Variants in VPS16 observed in about 807,000 individuals in gnomAD.
The protein encoded by VPS16 is VPS16 core subunit of CORVET and HOPS complexes.
A neutral mutation model predicts 116.0 loss-of-function variants in VPS16; 82 were observed. The observed-to-expected ratio is 0.71, with a 90% CI of 0.59 to 0.85. The LOEUF is 0.85. VPS16 is among the 40% of genes least tolerant of loss of function. The pLI is 0.00. For synonymous variants in VPS16, 406 were observed against 420.7 expected (o/e 0.96, Z 0.43); for missense variants, 928 against 1,090.6 (o/e 0.85, Z 2.10).
rs2089231637 is a variant in VPS16 at position 2,861,828 on chromosome 20, A to G, written c.923A>G (p.Tyr308Cys). 1 of 1,613,934 alleles carries G rather than the reference A, an allele frequency of 6.2e-7. No homozygotes were observed. Among genetic ancestry groups the G allele is most frequent in the Non-Finnish European group, 8.5e-7 (1 of 1,179,970 alleles). ...AGGTTTGTGCTGGATGAGGACTCCT[A>G]CCTGGTGCCTGAGCTCGATGGGGTC... The part of the protein sequence containing the change: ...SIQFVLDEDS[Y>C]LVPELDGVRI... Residue 308 changes from tyrosine (Y) to cysteine (C), a missense_variant, in exon 10 of 24, where the codon TAC (tyrosine) becomes TGC (cysteine). Transcript: ENST00000380445.
In VPS16 at chr20:2,860,120, C is replaced by G. The variant is rs754743804; in HGVS notation, c.209C>G (p.Ser70Cys). The change falls in exon 3 of 24, where the codon TCT becomes TGT. Residue 70 changes from serine to cysteine, a missense_variant. Transcript: ENST00000380445. This position sits in a 1 kb window ranked among gnomAD's most constrained non-coding sequence, Gnocchi z 6.1. ...ASVRPVLDIY[S>C]ASGMPLASLL... ...GTGAGGCCAGTGCTCGATATATACT[C>G]TGCTTCCGGCATGCCTCTGGCCAGC... 6.2e-7 allele frequency: 1 copy of G among 1,614,098 alleles called. No homozygotes were observed. The highest frequency in any genetic ancestry group is 8.5e-7 in the Non-Finnish European group (1 of 1,180,034).
chr20:2,858,597 C>T (rs975358024), intron 1 of VPS16, among the ~76,000 whole-genome samples: 3 of 152,074 alleles, frequency 2.0e-5, no homozygotes, highest in South Asian at 2.1e-4. Flanking sequence ...GAAATGATAC[C>T]GGCTGAAATG....
rs117259301 is a variant in VPS16 at position 2,863,783 on chromosome 20, G to A, written c.1477-166G>A. Among the ~76,000 whole-genome samples, 2,340 of 150,834 alleles carry A rather than the reference G, an allele frequency of 0.016. 122 individuals are homozygous for A. The highest frequency in any genetic ancestry group is 0.09 in the Admixed American group (1,360 of 15,126). ...TCTCAAAAAAAAAGAAAGAAGTGGC[G>A]GGGGCGGAGGAGGAGGGAAAGAGAG... On this transcript the variant is annotated intron_variant, in intron 15 of 23. Transcript: ENST00000380445. This position sits in a 1 kb window ranked among gnomAD's most constrained non-coding sequence, Gnocchi z 4.4.
At chr20:2,841,003 C>T (rs1276608028) in intron 1 of VPS16, 176 bp downstream of exon 1, 1 of 615,918 alleles carries the variant, frequency 1.6e-6, no homozygotes, top group Non-Finnish European at 2.8e-6. Flanking sequence ...GCCGGGCCTT[C>T]CCCTGCTCCA....
At chr20:2,855,029 C>T (rs1187484803) in intron 1 of VPS16, among the ~76,000 whole-genome samples, 1 of 140,576 alleles carries the variant, frequency 7.1e-6, no homozygotes, top group Non-Finnish European at 1.5e-5. Context: ...GGTGCAATCT[C>T]GGCTCACCGC....
At position 2,865,034 on chromosome 20, in the gene VPS16, CAAG is replaced by C; in HGVS notation, c.1986_1988del (p.Lys662del). 1 of 1,614,142 alleles carries C rather than the reference CAAG, an allele frequency of 6.2e-7. No homozygotes were observed. The highest frequency in any genetic ancestry group is 8.5e-7 in the Non-Finnish European group (1 of 1,180,032). ...CAGCCGCCGATGCCTTCTACAAGGC[CAAG>C]AATGAGTTTGCAGCCAAGGTTTGGC... On this transcript the variant is annotated inframe_deletion, in exon 20 of 24. Transcript: ENST00000380445. The surrounding 1 kb of genome is among the most constrained non-coding windows in gnomAD (Gnocchi z 5.2).
intron 1 of VPS16, among the ~76,000 whole-genome samples, chr20:2,857,692 T>C (rs2089186974): frequency 6.6e-6 from 1 of 151,838 alleles, no homozygotes; most frequent in South Asian, 2.1e-4. Flanking sequence ...GCATTTTTAT[T>C]TTAATTTTAT....
chr20:2,862,496 G>GA, intron 11 of VPS16, 83 bp from the exon 12 acceptor site: 1 of 1,554,882 alleles, frequency 6.4e-7, no homozygotes, highest in South Asian at 1.2e-5. Flanking sequence ...CAGCTTATTT[G>GA]AACCACAACC....
Position 2,860,329 on chromosome 20 carries a change from C to T in VPS16, c.331C>T (p.Leu111Phe). 1 of 1,614,054 alleles carries T rather than the reference C, an allele frequency of 6.2e-7. No individual in the cohort carries two copies. Among genetic ancestry groups the T allele is most frequent in the Non-Finnish European group, 8.5e-7 (1 of 1,180,000 alleles). ...AGATGGTGCTGTACTGGTTTATGGG[C>T]TTCATGGTGACTTCCGGAGACACTT... ...QEDGAVLVYG[L>F]HGDFRRHFSM... The change falls in exon 4 of 24, where the codon CTT (leucine) becomes TTT (phenylalanine). Residue 111 changes from leucine to phenylalanine, a missense_variant. Leu to Phe is a conservative substitution (Grantham distance 22). Coordinates refer to ENST00000380445, the MANE Select transcript of VPS16 (RefSeq NM_022575.4). The surrounding 1 kb of genome is among the most constrained non-coding windows in gnomAD (Gnocchi z 6.1).
intron 1 of VPS16, among the ~76,000 whole-genome samples, chr20:2,854,736 C>T (rs1046206770): frequency 1.4e-5 from 2 of 147,114 alleles, no homozygotes; most frequent in East Asian, 2.1e-4. Flanking sequence ...GTGGAGGTTG[C>T]GTTGAGCTGA....
chr20:2,859,800 C>T lies in VPS16; in HGVS notation c.135C>T (p.Gly45=). ...DCLVAAAPYG[G]PIALLRNPWR... ...TGGTGGCTGCTGCACCCTATGGGGGCCCCATTGGTATGTTGCCCCTCCACC... is the reference window on the plus strand; with the variant it reads ...TGGTGGCTGCTGCACCCTATGGGGGTCCCATTGGTATGTTGCCCCTCCACC... The change falls in exon 2 of 24, where the codon GGC becomes GGT. Residue 45 remains glycine (G), a synonymous_variant. Coordinates refer to ENST00000380445, the MANE Select transcript of VPS16 (RefSeq NM_022575.4). 2 of 1,609,282 alleles carry T rather than the reference C, an allele frequency of 1.2e-6. No homozygotes were observed. Among genetic ancestry groups the T allele is most frequent in the South Asian group, 2.2e-5 (2 of 90,372 alleles).
At chr20:2,849,586 A>G (rs533892125) in intron 1 of VPS16, among the ~76,000 whole-genome samples, 3 of 151,300 alleles carry the variant, frequency 2.0e-5, no homozygotes, top group Admixed American at 6.6e-5. Context: ...GATGTGAGCT[A>G]CTGCACCCGG....
chr20:2,842,868 A>AGATAGATGTATCTATC (rs1568621087), intron 1 of VPS16, among the ~76,000 whole-genome samples: 43 of 25,910 alleles, frequency 1.7e-3, no homozygotes, highest in Non-Finnish European at 2.2e-3. Flanking sequence ...ATCTATCGAT[A>AGATAGATGTATCTATC]GATAGATAGA....
rs200069917 is a variant in VPS16, at chr20:2,863,139, G to C, written c.1367+39G>C. The C allele has an allele frequency of 1.4e-4, 233 of 1,613,474 alleles. 1 individual carries two copies. In the African/African-American group the frequency reaches 2.6e-3, roughly 18 times the overall value. ...AAGGGTGCAGTGAGCGGGCTGTCAG[G>C]GGGGTGGGCATTACAGCCTTGGGTG... On this transcript the variant is annotated intron_variant, in intron 14 of 23. Transcript: ENST00000380445. This position sits in a 1 kb window ranked among gnomAD's most constrained non-coding sequence, Gnocchi z 4.4.
In VPS16 at chr20:2,842,892, A is replaced by AGATAGATAGATGTATCTATC. The variant is rs1555795837; in HGVS notation, c.53+2076_53+2077insGTATCTATCGATAGATAGAT. Among the ~76,000 whole-genome samples, 114 of 138,366 alleles carry AGATAGATAGATGTATCTATC rather than the reference A, an allele frequency of 8.2e-4. 10 individuals are homozygous for AGATAGATAGATGTATCTATC. The highest frequency in any genetic ancestry group is 3.6e-3 in the African/African-American group (110 of 30,812). 90.8% of individuals were successfully genotyped at this position (138,366 alleles called of 152,430 possible). ...TAGATAGATAGATGTATCTATCGAT[A>AGATAGATAGATGTATCTATC]GATAGATAGATATATGTTATGGATT... is the stretch of plus-strand genomic sequence containing the variant. On this transcript the variant is annotated intron_variant, in intron 1 of 23. Coordinates refer to ENST00000380445, the MANE Select transcript of VPS16 (RefSeq NM_022575.4).
chr20:2,842,303 C>G (rs2088985672), intron 1 of VPS16, among the ~76,000 whole-genome samples: 2 of 151,932 alleles, frequency 1.3e-5, no homozygotes, highest in South Asian at 4.2e-4. Flanking sequence ...ACATAGCATA[C>G]TCCCTCTGAA....
chr20:2,854,631 TA>T (rs1464416022), intron 1 of VPS16, among the ~76,000 whole-genome samples: 4 of 150,576 alleles, frequency 2.7e-5, no homozygotes, highest in Non-Finnish European at 5.9e-5. Flanking sequence ...CTGTCTCTAC[TA>T]AAGAAATAGA....
Position 2,861,291 on chromosome 20 carries a change from G to A in VPS16, c.809+11G>A, listed in dbSNP as rs2089225293. 5 of 1,613,822 alleles carry A rather than the reference G, an allele frequency of 3.1e-6. No individual in the cohort carries two copies. In the South Asian group the frequency reaches 5.5e-5, roughly 18 times the overall value. Reference sequence around the variant, plus strand: ...AAAGCAGATGGTCTGGTAAGGATGGGGGTGTTATTGCTGGGGGTGTGGGTG... The same window carrying A: ...AAAGCAGATGGTCTGGTAAGGATGGAGGTGTTATTGCTGGGGGTGTGGGTG... On this transcript the variant is annotated intron_variant, in intron 8 of 23. Coordinates refer to ENST00000380445, the MANE Select transcript of VPS16 (RefSeq NM_022575.4).
Position 2,865,000 on chromosome 20 carries a change from C to T in VPS16, c.1949C>T (p.Ala650Val). The T allele has an allele frequency of 6.2e-7, 1 of 1,614,178 alleles. No homozygotes were observed. The highest frequency in any genetic ancestry group is 8.5e-7 in the Non-Finnish European group (1 of 1,180,032). ...AEERIEGRVA[A>V]LQTAADAFYK... Reference sequence around the variant, plus strand: ...TAGCGTATTGAGGGGCGAGTAGCAGCTCTGCAGACAGCCGCCGATGCCTTC... The same window carrying T: ...TAGCGTATTGAGGGGCGAGTAGCAGTTCTGCAGACAGCCGCCGATGCCTTC... The change falls in exon 20 of 24, where the codon GCT (alanine) becomes GTT (valine). Residue 650 changes from alanine (A) to valine (V), a missense_variant. Physicochemically the swap from Ala to Val is moderately conservative, Grantham distance 64. Coordinates refer to ENST00000380445, the MANE Select transcript of VPS16 (RefSeq NM_022575.4). The surrounding 1 kb of genome is among the most constrained non-coding windows in gnomAD (Gnocchi z 5.2).
Sources: gnomAD v4.1 joint callset for allele counts (sites outside exome capture counted in the v4.1 genomes callset) on GRCh38, gnomAD v4.1.1 for gene constraint, Gnocchi (gnomAD v3.1) non-coding constraint, MANE v1.5 for transcripts, NCBI Gene and HGNC (gene_info 2026-07-23, HGNC 2026-07-21) for gene names.